GRIP1: variants seen among roughly 807,000 people sequenced by gnomAD.
GRIP1 encodes the protein glutamate receptor-interacting protein 1.
In GRIP1, 45 loss-of-function variants were observed where a neutral mutation model predicts 129.9. The observed-to-expected ratio is 0.35, with a 90% confidence interval of 0.27 to 0.44. The LOEUF is 0.44. Among genes scored for constraint, GRIP1 ranks in the 20% least tolerant of loss-of-function variants. The pLI, the probability that GRIP1 is intolerant of heterozygous loss-of-function variation, is 1.00. For missense variants in GRIP1, 1,196 were observed against 1,396.8 expected (o/e 0.86, Z 2.29); for synonymous variants, 530 against 520.8 (o/e 1.02, Z -0.24).
intron 1 of GRIP1, among the ~76,000 whole-genome samples, chr12:66,656,820 T>C (rs1393352744): frequency 2.0e-4 from 31 of 152,228 alleles, no homozygotes; most frequent in Admixed American, 2.0e-3. Context: ...TCTTCTCAGA[T>C]ACTTTTAAGA....
intron 2 of GRIP1, among the ~76,000 whole-genome samples, chr12:66,588,242 T>G (rs1056041590): frequency 1.3e-5 from 2 of 152,156 alleles, no homozygotes; most frequent in Non-Finnish European, 2.9e-5. Flanking sequence ...AAGGCATAAG[T>G]GTATGGAACG....
At chr12:66,730,572 T>G (rs1367412569) in intron 1 of GRIP1, among the ~76,000 whole-genome samples, 1 of 152,054 alleles carries the variant, frequency 6.6e-6, no homozygotes. Flanking sequence ...GAAATATACA[T>G]CCTTTTCTTA....
At chr12:66,672,645 AAGAG>A in intron 1 of GRIP1, among the ~76,000 whole-genome samples, 1 of 152,246 alleles carries the variant, frequency 6.6e-6, no homozygotes, top group South Asian at 2.1e-4. Context: ...AAGAAACTAA[AAGAG>A]AGAAAAAGAT....
At chr12:66,942,427 A>G (rs967189827) in intron 1 of GRIP1, among the ~76,000 whole-genome samples, 9 of 152,104 alleles carry the variant, frequency 5.9e-5, no homozygotes, top group African/African-American at 2.2e-4. Flanking sequence ...ACTTTCTTTG[A>G]TCCACTTCCT....
intron 1 of GRIP1, among the ~76,000 whole-genome samples, chr12:66,782,511 AG>A (rs1371538289): frequency 6.6e-6 from 1 of 152,160 alleles, no homozygotes; most frequent in Non-Finnish European, 1.5e-5. Flanking sequence ...TTAGAAACGG[AG>A]GGGGCTTTTT....
chr12:66,501,218 A>G (rs2060383268), intron 7 of GRIP1, among the ~76,000 whole-genome samples: 1 of 152,208 alleles, frequency 6.6e-6, no homozygotes, highest in Non-Finnish European at 1.5e-5. Flanking sequence ...GTTGGAGTTA[A>G]CCTGGTATTT....
chr12:66,690,594 G>A (rs1242413209), intron 1 of GRIP1, among the ~76,000 whole-genome samples: 5 of 151,466 alleles, frequency 3.3e-5, no homozygotes, highest in Admixed American at 2.6e-4. Context: ...GACCAAGCAC[G>A]ATGGCTCATG....
At chr12:66,636,935 T>C (rs1381332693) in intron 1 of GRIP1, among the ~76,000 whole-genome samples, 1 of 152,168 alleles carries the variant, frequency 6.6e-6, no homozygotes, top group African/African-American at 2.4e-5. Flanking sequence ...CTATGACCTA[T>C]TGTTAGGACA....
chr12:66,500,760 G>A lies in GRIP1; in HGVS notation c.724+14859C>T, dbSNP rs149319777. 3.3e-3 allele frequency among the ~76,000 whole-genome samples: 503 copies of A among 152,282 alleles called. 2 individuals are homozygous for A. The highest frequency in any genetic ancestry group is 6.8e-3 in the Middle Eastern group (2 of 292). ...AAGTCCAACCTGTGATGCCCCCATA[G>A]AGATCAGGTGAAAGCTTGCTGGCTT... On this transcript the variant is annotated intron_variant, in intron 7 of 24. Transcript: ENST00000359742.
chr12:66,847,641 T>G (rs955614204), intron 1 of GRIP1, among the ~76,000 whole-genome samples: 1 of 152,152 alleles, frequency 6.6e-6, no homozygotes, highest in Non-Finnish European at 1.5e-5. Flanking sequence ...CAGGTAGACA[T>G]GTTAAAATTT....
At chr12:66,500,441 G>C (rs1464167022) in intron 7 of GRIP1, among the ~76,000 whole-genome samples, 7 of 152,168 alleles carry the variant, frequency 4.6e-5, no homozygotes, top group Non-Finnish European at 1.0e-4. Flanking sequence ...GGGAAAGGCT[G>C]GGTAGAGTCT....
At chr12:66,937,112 G>A (rs1288334556) in intron 1 of GRIP1, among the ~76,000 whole-genome samples, 2 of 151,788 alleles carry the variant, frequency 1.3e-5, no homozygotes, top group Admixed American at 6.6e-5. Context: ...TGAGGCCTTC[G>A]CACTTGCTGT....
At chr12:66,662,338 T>TCTA (rs2033559664) in intron 1 of GRIP1, among the ~76,000 whole-genome samples, 1 of 152,152 alleles carries the variant, frequency 6.6e-6, no homozygotes, top group South Asian at 2.1e-4. Flanking sequence ...ACTTCCCCAT[T>TCTA]CTACACTCCT....
At chr12:66,647,812 C>G (rs1056254034) in intron 1 of GRIP1, among the ~76,000 whole-genome samples, 2 of 152,148 alleles carry the variant, frequency 1.3e-5, no homozygotes, top group African/African-American at 4.8e-5. Flanking sequence ...GAATTAATTA[C>G]TATTACAGAT....
At chr12:67,047,624 ATAAC>A (rs2043274616) in intron 1 of GRIP1, among the ~76,000 whole-genome samples, 1 of 152,208 alleles carries the variant, frequency 6.6e-6, no homozygotes. Context: ...TATTTATTGA[ATAAC>A]TAATAAATTC....
At chr12:66,444,966 C>G (rs567639336) in intron 12 of GRIP1, among the ~76,000 whole-genome samples, 1 of 152,170 alleles carries the variant, frequency 6.6e-6, no homozygotes, top group Non-Finnish European at 1.5e-5. Flanking sequence ...AATTCATAAC[C>G]ATGGTATTGT....
intron 1 of GRIP1, among the ~76,000 whole-genome samples, chr12:66,759,103 G>A (rs890109814): frequency 6.6e-6 from 1 of 152,210 alleles, no homozygotes; most frequent in African/African-American, 2.4e-5. Flanking sequence ...TCTCCATGAA[G>A]GCTCCGCCCC....
intron 1 of GRIP1, among the ~76,000 whole-genome samples, chr12:66,912,208 T>G (rs1260481606): frequency 6.6e-6 from 1 of 152,178 alleles, no homozygotes; most frequent in Non-Finnish European, 1.5e-5. Flanking sequence ...ACAAAGCTAT[T>G]ACTGGATTAG....
chr12:66,950,186 A>T (rs752113360), intron 1 of GRIP1, among the ~76,000 whole-genome samples: 1 of 152,222 alleles, frequency 6.6e-6, no homozygotes, highest in African/African-American at 2.4e-5. Flanking sequence ...CTGAAAGCCA[A>T]ATTTAATGAC....
Sources: gnomAD v4.1 joint callset for allele counts (sites outside exome capture counted in the v4.1 genomes callset) on GRCh38, gnomAD v4.1.1 for gene constraint, MANE v1.5 for transcripts, NCBI Gene and HGNC (gene_info 2026-07-23, HGNC 2026-07-21) for gene names.